The following ART3 variants were observed in gnomAD, a reference collection of about 807,000 sequenced individuals.
ART3 encodes ADP-ribosyltransferase 3 (inactive).
ART3 carries 49 observed loss-of-function variants against 48.5 expected under a neutral mutation model. The observed-to-expected ratio is 1.01, with a 90% confidence interval of 0.80 to 1.28. The LOEUF is 1.28. ART3 is among the 50% of genes most tolerant of loss of function. The pLI is 0.00. For synonymous variants in ART3, 145 were observed against 157.2 expected, an observed-to-expected ratio of 0.92 and a Z score of 0.58; for missense variants, 438 against 454.3, an observed-to-expected ratio of 0.96 and a Z score of 0.33.
intron 2 of ART3, among the ~76,000 whole-genome samples, chr4:76,078,876 C>T (rs1392757366): frequency 2.6e-5 from 4 of 152,048 alleles, no homozygotes; most frequent in South Asian, 2.1e-4. Flanking sequence ...GTCGGGAGAT[C>T]GAGACCATCC....
chr4:76,029,494 G>C (rs1733690899), intron 1 of ART3, among the ~76,000 whole-genome samples: 1 of 152,104 alleles, frequency 6.6e-6, no homozygotes, highest in South Asian at 2.1e-4. Flanking sequence ...CATTACCAGT[G>C]TCTGGTTAAT....
At chr4:76,036,013 T>A (rs756087891) in intron 1 of ART3, 3 of 1,605,062 alleles carry the variant, frequency 1.9e-6, no homozygotes, top group Non-Finnish European at 2.6e-6. Flanking sequence ...TTGCTGCTGG[T>A]GCTGCTGCTG....
At chr4:76,045,868 G>T (rs146432303) in intron 1 of ART3, among the ~76,000 whole-genome samples, 11,649 of 152,056 alleles carry the variant, frequency 0.077, 612 homozygotes, top group South Asian at 0.14. Flanking sequence ...ATGTCTTAGG[G>T]TGAGGATAAG....
chr4:76,059,018 G>C (rs114426771), intron 1 of ART3, among the ~76,000 whole-genome samples: 12 of 152,214 alleles, frequency 7.9e-5, no homozygotes, highest in African/African-American at 2.9e-4. Context: ...AGGTTGAACA[G>C]CTGGCTGTCC....
intron 1 of ART3, among the ~76,000 whole-genome samples, chr4:76,037,655 A>G (rs4429750): frequency 0.22 from 32,986 of 152,034 alleles, 4,075 homozygotes; most frequent in East Asian, 0.4. Flanking sequence ...TTTGAAAGGA[A>G]TACATTGTTT....
intron 2 of ART3, among the ~76,000 whole-genome samples, chr4:76,079,226 A>G (rs888401850): frequency 6.6e-6 from 1 of 151,378 alleles, no homozygotes; most frequent in African/African-American, 2.4e-5. Context: ...CCTACCTCAC[A>G]AGGTTGCCGA....
At chr4:76,023,548 C>T in intron 1 of ART3, 1 of 903,578 alleles carries the variant, frequency 1.1e-6, no homozygotes, top group Non-Finnish European at 1.8e-6. Flanking sequence ...CATTTTCCCT[C>T]CCTAATTCTG....
chr4:76,095,127 T>G (rs1268424967), intron 3 of ART3, among the ~76,000 whole-genome samples: 1 of 152,236 alleles, frequency 6.6e-6, no homozygotes, highest in Non-Finnish European at 1.5e-5. Context: ...ATAGTTTGAT[T>G]ACTGCTATTG....
chr4:76,049,293 T>C (rs1476047384), intron 1 of ART3, among the ~76,000 whole-genome samples: 1 of 151,866 alleles, frequency 6.6e-6, no homozygotes, highest in Non-Finnish European at 1.5e-5. Flanking sequence ...GAGAGGAAGT[T>C]TGTCTGGCAG....
At chr4:76,079,918 T>TCACACA (rs58491679) in intron 2 of ART3, among the ~76,000 whole-genome samples, 3 of 149,388 alleles carry the variant, frequency 2.0e-5, no homozygotes, top group Non-Finnish European at 4.4e-5. Context: ...TCTCTCTCTC[T>TCACACA]CACACACACA....
chr4:76,077,938 C>T (rs966270059), intron 2 of ART3, among the ~76,000 whole-genome samples: 13 of 152,148 alleles, frequency 8.5e-5, no homozygotes, highest in African/African-American at 3.1e-4. Context: ...ATTTGGTTTT[C>T]AATATACTCT....
rs528913439 is a variant in ART3 at position 76,017,935 on chromosome 4, A to G, written c.-10+6615A>G. Among the ~76,000 whole-genome samples, 198 of 152,310 alleles carry G rather than the reference A, an allele frequency of 1.3e-3. 3 individuals carry two copies. Among genetic ancestry groups the G allele is most frequent in the African/African-American group, 4.4e-3 (183 of 41,568 alleles). On this transcript the variant is annotated intron_variant, in intron 1 of 9. Transcript: ENST00000341029. ...CATGGCCACTGCCAGGGGAAGGGAG[A>G]GGGGTGGCATTGGCCATTCAAGACC...
intron 1 of ART3, among the ~76,000 whole-genome samples, chr4:76,040,444 A>ACACACACGCACACG (rs373323505): frequency 1.8e-4 from 23 of 128,850 alleles, no homozygotes; most frequent in Non-Finnish European, 3.0e-4. Flanking sequence ...GGATACACAC[A>ACACACACGCACACG]CACACACACA....
intron 3 of ART3, among the ~76,000 whole-genome samples, chr4:76,088,551 CCCCAG>C (rs1453152160): frequency 6.6e-6 from 1 of 152,150 alleles, no homozygotes; most frequent in Non-Finnish European, 1.5e-5. Flanking sequence ...TATAAATCTA[CCCCAG>C]CCCTTGTGTG....
intron 3 of ART3, among the ~76,000 whole-genome samples, chr4:76,093,440 AAAAG>A (rs1353421737): frequency 2.0e-5 from 3 of 152,078 alleles, no homozygotes; most frequent in Non-Finnish European, 4.4e-5. Context: ...CCCATCTCAA[AAAAG>A]AAAGAAACAG....
chr4:76,017,670 C>T (rs554168888), intron 1 of ART3, among the ~76,000 whole-genome samples: 40 of 152,328 alleles, frequency 2.6e-4, no homozygotes, highest in African/African-American at 9.6e-4. Context: ...CTAGGACTTG[C>T]AATCCTTGTG....
intron 1 of ART3, chr4:76,033,613 G>A (rs188027073): frequency 1.1e-4 from 16 of 152,296 alleles, no homozygotes; most frequent in Non-Finnish European, 1.6e-4. Flanking sequence ...TGACGGATAG[G>A]TGTATGTTTC....
At chr4:76,024,403 A>C (rs1006132914) in intron 1 of ART3, among the ~76,000 whole-genome samples, 4 of 152,086 alleles carry the variant, frequency 2.6e-5, no homozygotes, top group African/African-American at 9.7e-5. Flanking sequence ...AATGCAAAGA[A>C]AAAGAAAAAA....
intron 1 of ART3, chr4:76,021,276 TC>T (rs1389850153): frequency 6.6e-6 from 1 of 152,264 alleles, no homozygotes; most frequent in Admixed American, 6.5e-5. Context: ...TTTAAAATTT[TC>T]CTGTTACTCA....
Sources: gnomAD v4.1 joint callset for allele counts (sites outside exome capture counted in the v4.1 genomes callset) on GRCh38, gnomAD v4.1.1 for gene constraint, MANE v1.5 for transcripts, NCBI Gene and HGNC (gene_info 2026-07-23, HGNC 2026-07-21) for gene names.